The following TNR variants were observed in gnomAD, a reference collection of about 807,000 sequenced individuals.
TNR encodes tenascin-R.
Under a neutral mutation model 150.4 loss-of-function variants are expected in TNR, and 45 were observed. That is an observed-to-expected ratio of 0.30 (90% CI 0.24 to 0.38). The LOEUF (loss-of-function observed/expected upper bound fraction) is 0.38. Ranked by LOEUF, TNR falls within the 10% of genes least tolerant of loss-of-function variation. TNR has a pLI of 1.00. For synonymous variants in TNR, 687 were observed against 678.4 expected (o/e 1.01, Z -0.20); for missense variants, 1,544 against 1,759.1 (o/e 0.88, Z 2.19).
chr1:175,625,002 C>T (rs572352796), intron 1 of TNR, among the ~76,000 whole-genome samples: 50 of 152,342 alleles, frequency 3.3e-4, no homozygotes, highest in Admixed American at 3.1e-3. Flanking sequence ...AGCTCAATTG[C>T]ACCTCTAGGG....
intron 2 of TNR, among the ~76,000 whole-genome samples, chr1:175,432,907 G>A (rs372907834): frequency 2.0e-5 from 3 of 152,140 alleles, no homozygotes; most frequent in African/African-American, 7.2e-5. Flanking sequence ...ATCAAGGGAA[G>A]GTCAATGAGA....
At chr1:175,616,176 G>A (rs2012430) in intron 1 of TNR, among the ~76,000 whole-genome samples, 73,192 of 151,904 alleles carry the variant, frequency 0.48, 18,982 homozygotes, top group African/African-American at 0.7. Context: ...CTAGATTCCA[G>A]GGGTTCTGTT....
rs1193062837 is a variant in TNR at position 175,415,128 on chromosome 1, G to T, written c.-63-8351C>A. On this transcript the variant is annotated intron_variant, in intron 2 of 22. Transcript: ENST00000367674. The stretch of plus-strand genomic sequence containing the variant: ...AACCAGAACTATATCTGTGGAAAAT[G>T]ACACTCTTTTTTTGTGCTTTTTTTT... Among the ~76,000 whole-genome samples the T allele has an allele frequency of 5.4e-5, 8 of 148,080 alleles. No individual in the cohort carries two copies. In the East Asian group the frequency reaches 5.9e-4, roughly 11 times the overall value.
chr1:175,585,179 T>C (rs997106326), intron 1 of TNR, among the ~76,000 whole-genome samples: 1 of 152,224 alleles, frequency 6.6e-6, no homozygotes, highest in Non-Finnish European at 1.5e-5. Flanking sequence ...CAGTTATCTA[T>C]ATTTGATGGA....
intron 1 of TNR, among the ~76,000 whole-genome samples, chr1:175,697,156 C>A (rs1356273856): frequency 7.1e-6 from 1 of 140,836 alleles, no homozygotes; most frequent in Non-Finnish European, 1.5e-5. Context: ...CAAAGTCAGG[C>A]TTGAGAAGAG....
Position 175,320,804 on chromosome 1 carries a change from CTTCCTTCT to C in TNR, c.*2545_*2552del, listed in dbSNP as rs537109122. 3.4e-5 allele frequency: 5 copies of C among 147,620 alleles called. No individual in the cohort carries two copies. Among genetic ancestry groups the C allele is most frequent in the Non-Finnish European group, 5.9e-5 (4 of 67,338 alleles). The allele number at this position is 147,620 out of a possible 1,614,324, so 9.1% of individuals were successfully genotyped here. On this transcript the variant is annotated 3_prime_UTR_variant, in exon 23 of 23. Coordinates refer to ENST00000367674, the MANE Select transcript of TNR (RefSeq NM_003285.3). ...CCTTCCTTCTTTCCTTCCTTCCTTC[CTTCCTTCT>C]TTCCTTCTTTCCTCATTAAACAGGG...
intron 9 of TNR, among the ~76,000 whole-genome samples, chr1:175,375,477 G>GC (rs1553211213): frequency 1.1e-5 from 1 of 90,190 alleles, no homozygotes; most frequent in Admixed American, 1.1e-4. Flanking sequence ...AGAGAATAAT[G>GC]GGGGGGGAGT....
intron 2 of TNR, among the ~76,000 whole-genome samples, chr1:175,506,100 G>A (rs1658947236): frequency 6.6e-6 from 1 of 152,226 alleles, no homozygotes; most frequent in Admixed American, 6.5e-5. Context: ...TACCAGGTGA[G>A]GTGGGATAGG....
At chr1:175,518,818 G>T (rs983698999) in intron 2 of TNR, among the ~76,000 whole-genome samples, 4 of 152,100 alleles carry the variant, frequency 2.6e-5, no homozygotes, top group African/African-American at 9.7e-5. Flanking sequence ...ACAGCCACCA[G>T]CTTTTCAATT....
chr1:175,380,652 C>T (rs745421042), intron 8 of TNR, among the ~76,000 whole-genome samples: 2 of 152,102 alleles, frequency 1.3e-5, no homozygotes, highest in Non-Finnish European at 2.9e-5. Context: ...GTTCCATCAA[C>T]CACAATGCTT....
At chr1:175,367,738 G>A (rs941205937) in intron 9 of TNR, among the ~76,000 whole-genome samples, 1 of 152,150 alleles carries the variant, frequency 6.6e-6, no homozygotes, top group East Asian at 1.9e-4. Flanking sequence ...CAAGGACCAA[G>A]CTACACCTTT....
intron 2 of TNR, among the ~76,000 whole-genome samples, chr1:175,524,778 A>G (rs859358): frequency 0.19 from 28,428 of 152,198 alleles, 2,892 homozygotes; most frequent in African/African-American, 0.25. Context: ...TTGCACATGT[A>G]AAGCATAAGA....
chr1:175,678,288 G>A (rs1665924772), intron 1 of TNR, among the ~76,000 whole-genome samples: 1 of 152,172 alleles, frequency 6.6e-6, no homozygotes, highest in South Asian at 2.1e-4. Context: ...CTGCCTAGTG[G>A]GTGGGTAGAG....
chr1:175,483,768 G>A (rs1040680019), intron 2 of TNR, among the ~76,000 whole-genome samples: 2 of 152,200 alleles, frequency 1.3e-5, no homozygotes, highest in African/African-American at 4.8e-5. Context: ...GGAACTACAC[G>A]TTTGAGTTGC....
chr1:175,742,554 T>G (rs565860311), intron 1 of TNR, among the ~76,000 whole-genome samples: 1 of 152,116 alleles, frequency 6.6e-6, no homozygotes, highest in African/African-American at 2.4e-5. Flanking sequence ...CCTACCACCA[T>G]GAAGTCAGAA....
chr1:175,469,850 C>T (rs1373171220), intron 2 of TNR, among the ~76,000 whole-genome samples: 1 of 151,942 alleles, frequency 6.6e-6, no homozygotes, highest in Admixed American at 6.6e-5. Flanking sequence ...GCTGAAAGGA[C>T]AGAGACGGGC....
chr1:175,634,039 C>T (rs938719280), intron 1 of TNR, among the ~76,000 whole-genome samples: 2 of 151,642 alleles, frequency 1.3e-5, no homozygotes, highest in African/African-American at 4.9e-5. Flanking sequence ...TAAGGCCAAC[C>T]CCATGAAGTC....
chr1:175,703,520 G>A lies in TNR; in HGVS notation c.-165+39706C>T, dbSNP rs1666759890. Among the ~76,000 whole-genome samples the A allele has an allele frequency of 1.3e-5, 2 of 152,140 alleles. 1 individual carries two copies. Among genetic ancestry groups the A allele is most frequent in the South Asian group, 4.1e-4 (2 of 4,828 alleles). On this transcript the variant is annotated intron_variant, in intron 1 of 22. Coordinates refer to ENST00000367674, the MANE Select transcript of TNR (RefSeq NM_003285.3). ...TTATATATCCTGCATTTTACAGCTAGGGTAGGGCCTAGACTCAGTTAACAC... is the reference window on the plus strand; with the variant it reads ...TTATATATCCTGCATTTTACAGCTAAGGTAGGGCCTAGACTCAGTTAACAC...
At chr1:175,611,781 C>T (rs962545461) in intron 1 of TNR, among the ~76,000 whole-genome samples, 5 of 152,122 alleles carry the variant, frequency 3.3e-5, no homozygotes, top group African/African-American at 4.8e-5. Flanking sequence ...AACTCACAGA[C>T]GCATAGTCTC....
Sources: gnomAD v4.1 joint callset for allele counts (sites outside exome capture counted in the v4.1 genomes callset) on GRCh38, gnomAD v4.1.1 for gene constraint, MANE v1.5 for transcripts, NCBI Gene and HGNC (gene_info 2026-07-23, HGNC 2026-07-21) for gene names.